DRD4: variants seen among roughly 807,000 people sequenced by gnomAD.
The protein encoded by DRD4 is D(4) dopamine receptor.
Under a neutral mutation model 22.1 loss-of-function variants are expected in DRD4, and 26 were observed. The ratio of observed to expected loss-of-function variants is 1.17; its 90% CI spans 0.86 to 1.63. DRD4 has a LOEUF of 1.63. Among genes scored for constraint, DRD4 ranks in the 40% most tolerant of loss-of-function variants. The probability of loss-of-function intolerance (pLI) is 0.00; values close to 1 mark genes in which losing one functional copy is unlikely to be tolerated. For missense variants in DRD4, 913 were observed against 632.4 expected, an observed-to-expected ratio of 1.44 and a Z score of -4.76; for synonymous variants, 455 against 306.7, an observed-to-expected ratio of 1.48 and a Z score of -5.05.
Position 637,604 on chromosome 11 carries a change from G to A in DRD4, c.285+15G>A. 1 of 1,541,944 alleles carries A rather than the reference G, an allele frequency of 6.5e-7. No homozygotes were observed. The highest frequency in any genetic ancestry group is 8.7e-7 in the Non-Finnish European group (1 of 1,147,880). ...TCTACTCCGAGGTGAGCCGCGTCCG[G>A]CCGCACGAGCATCCTCACCTGCTCC... On this transcript the variant is annotated intron_variant, in intron 1 of 3. Transcript: ENST00000176183.
chr11:639,659 T>C lies in DRD4; in HGVS notation c.410T>C (p.Val137Ala). ...GGCGCTCCCCGCAGGTTCGTGGCCGTGGCCGTGCCGCTGCGCTACAACCGG... is the reference window on the plus strand; with the variant it reads ...GGCGCTCCCCGCAGGTTCGTGGCCGCGGCCGTGCCGCTGCGCTACAACCGG... The part of the protein sequence containing the change: ...CAISVDRFVA[V>A]AVPLRYNRQG... Residue 137 changes from valine (V) to alanine (A), a missense_variant, in exon 3 of 4, where the codon GTG becomes GCG. By Grantham distance (64) the Val-to-Ala change is moderately conservative. Coordinates refer to ENST00000176183, the MANE Select transcript of DRD4 (RefSeq NM_000797.4). The C allele has an allele frequency of 6.8e-7, 1 of 1,461,390 alleles. No individual in the cohort carries two copies. The highest frequency in any genetic ancestry group is 9.0e-7 in the Non-Finnish European group (1 of 1,110,882). The allele number at this position is 1,461,390 out of a possible 1,614,324, so 90.5% of individuals were successfully genotyped here.
chr11:637,364 G>A lies in DRD4; in HGVS notation c.60G>A (p.Ala20=), dbSNP rs1207910293. The part of the protein sequence containing the change: ...DGLLAGRGPA[A]GASAGASAGL... ...TGCTGGCTGGGCGCGGGCCGGCCGC[G>A]GGGGCATCTGCGGGGGCATCTGCGG... is the stretch of plus-strand genomic sequence containing the variant. Residue 20 remains alanine, a synonymous_variant, in exon 1 of 4, where the codon GCG becomes GCA. Transcript: ENST00000176183. 2.4e-5 allele frequency: 27 copies of A among 1,135,876 alleles called. No individual in the cohort carries two copies. The highest frequency in any genetic ancestry group is 3.0e-5 in the Non-Finnish European group (27 of 899,264). 70.4% of individuals were successfully genotyped at this position (1,135,876 alleles called of 1,614,324 possible).
intron 1 of DRD4, 66 bp from the exon 2 acceptor site, chr11:639,367 G>A (rs1001158081): frequency 5.2e-5 from 72 of 1,383,426 alleles, no homozygotes; most frequent in Non-Finnish European, 6.5e-5. Context: ...ACCCATAAGA[G>A]TGGGGGCGGG....
Position 640,055 on chromosome 11 carries a change from T to A in DRD4, c.806T>A (p.Leu269His). 8.9e-7 allele frequency: 1 copy of A among 1,122,658 alleles called. No individual in the cohort carries two copies. 69.5% of individuals were successfully genotyped at this position (1,122,658 alleles called of 1,614,324 possible). A position where few individuals can be genotyped will look rare whatever the true frequency, so the allele number is the denominator to read the frequency against. The stretch of plus-strand genomic sequence containing the variant: ...GACTGTGCGCCCCCCGCGCCCGGCC[T>A]TCCCCGGGGTCCCTGCGGCCCCGAC... Reference protein sequence around the residue: ...GPDCAPPAPGLPRGPCGPDCA... With the variant: ...GPDCAPPAPGHPRGPCGPDCA... Residue 269 changes from leucine to histidine, a missense_variant, in exon 3 of 4, where the codon CTT becomes CAT. Leu to His is a moderately conservative substitution (Grantham distance 99). Transcript: ENST00000176183.
chr11:639,712 C>T lies in DRD4; in HGVS notation c.463C>T (p.Leu155Phe), dbSNP rs1341566170. 1 of 1,498,216 alleles carries T rather than the reference C, an allele frequency of 6.7e-7. No individual in the cohort carries two copies. The highest frequency in any genetic ancestry group is 2.1e-5 in the Admixed American group (1 of 46,744). The allele number at this position is 1,498,216 out of a possible 1,614,324, so 92.8% of individuals were successfully genotyped here. Residue 155 changes from leucine (L) to phenylalanine (F), a missense_variant, in exon 3 of 4, where the codon CTC becomes TTC. By Grantham distance (22) the Leu-to-Phe change is conservative. Transcript: ENST00000176183. Reference protein sequence around the residue: ...RQGGSRRQLLLIGATWLLSAA... With the variant: ...RQGGSRRQLLFIGATWLLSAA... ...GGGTGGGAGCCGCCGGCAGCTGCTG[C>T]TCATCGGCGCCACGTGGCTGCTGTC...
In DRD4 at chr11:637,406, C is replaced by G. The variant is rs928079448; in HGVS notation, c.102C>G (p.Gly34=). 1 of 1,491,414 alleles carries G rather than the reference C, an allele frequency of 6.7e-7. No homozygotes were observed. The highest frequency in any genetic ancestry group is 1.4e-5 in the African/African-American group (1 of 69,222). The allele number at this position is 1,491,414 out of a possible 1,614,324, so 92.4% of individuals were successfully genotyped here. Reference sequence around the variant, plus strand: ...CATCTGCGGGGCTGGCTGGGCAGGGCGCGGCGGCGCTGGTGGGGGGCGTGC... The same window carrying G: ...CATCTGCGGGGCTGGCTGGGCAGGGGGCGGCGGCGCTGGTGGGGGGCGTGC... ...AGASAGLAGQ[G]AAALVGGVLL... is the part of the protein sequence containing the mutation. Residue 34 remains glycine, a synonymous_variant, in exon 1 of 4, where the codon GGC becomes GGG. Coordinates refer to ENST00000176183, the MANE Select transcript of DRD4 (RefSeq NM_000797.4).
rs1016692423 is a variant in DRD4 at position 637,354 on chromosome 11, G to A, written c.50G>A (p.Gly17Glu). The A allele has an allele frequency of 8.5e-6, 11 of 1,295,366 alleles. No homozygotes were observed. The highest frequency in any genetic ancestry group is 4.7e-5 in the African/African-American group (3 of 64,000). 80.2% of individuals were successfully genotyped at this position (1,295,366 alleles called of 1,614,324 possible). ...GCGGACGGGCTGCTGGCTGGGCGCGGGCCGGCCGCGGGGGCATCTGCGGGG... is the reference window on the plus strand; with the variant it reads ...GCGGACGGGCTGCTGGCTGGGCGCGAGCCGGCCGCGGGGGCATCTGCGGGG... ...ADADGLLAGR[G>E]PAAGASAGAS... The change falls in exon 1 of 4, where the codon GGG becomes GAG. Residue 17 changes from glycine (G) to glutamate (E), a missense_variant. By Grantham distance (98) the Gly-to-Glu change is moderately conservative. Transcript: ENST00000176183.
At chr11:637,623 C>T (rs1190136333) in intron 1 of DRD4, 34 bp downstream of exon 1, 5 of 1,538,248 alleles carry the variant, frequency 3.3e-6, no homozygotes, top group Non-Finnish European at 4.4e-6. Flanking sequence ...GCATCCTCAC[C>T]TGCTCCTCGG....
Position 639,932 on chromosome 11 carries a change from C to T in DRD4, c.683C>T (p.Ala228Val), listed in dbSNP as rs138885045. ...GLQRWEVARR[A>V]KLHGRAPRRP... ...CAGCGCTGGGAGGTGGCACGTCGCG[C>T]CAAGCTGCACGGCCGCGCGCCCCGC... Residue 228 changes from alanine (A) to valine (V), a missense_variant, in exon 3 of 4, where the codon GCC (alanine) becomes GTC (valine). By Grantham distance (64) the Ala-to-Val change is moderately conservative (BLOSUM62 0). Transcript: ENST00000176183. The T allele has an allele frequency of 4.4e-5, 67 of 1,538,504 alleles. No individual in the cohort carries two copies. The highest frequency in any genetic ancestry group is 1.3e-4 in the South Asian group (11 of 84,824).
rs1039117517 is a variant in DRD4 at position 639,651 on chromosome 11, C to T, written c.402C>T (p.Phe134=). The change falls in exon 3 of 4, where the codon TTC becomes TTT. Residue 134 remains phenylalanine, a synonymous_variant. Coordinates refer to ENST00000176183, the MANE Select transcript of DRD4 (RefSeq NM_000797.4). Reference sequence around the variant, plus strand: ...GCCCCCTCGGCGCTCCCCGCAGGTTCGTGGCCGTGGCCGTGCCGCTGCGCT... The same window carrying T: ...GCCCCCTCGGCGCTCCCCGCAGGTTTGTGGCCGTGGCCGTGCCGCTGCGCT... The part of the protein sequence containing the change: ...FNLCAISVDR[F]VAVAVPLRYN... 2.7e-6 allele frequency: 4 copies of T among 1,454,888 alleles called. No individual in the cohort carries two copies. The highest frequency in any genetic ancestry group is 2.7e-6 in the Non-Finnish European group (3 of 1,107,134). 90.1% of individuals were successfully genotyped at this position (1,454,888 alleles called of 1,614,324 possible). A position where few individuals can be genotyped will look rare whatever the true frequency, so the allele number is the denominator to read the frequency against.
In DRD4 at chr11:640,019, C is replaced by G; in HGVS notation, c.770C>G (p.Pro257Arg). The change falls in exon 3 of 4, where the codon CCC becomes CGC. Residue 257 changes from proline to arginine, a missense_variant. By Grantham distance (103) the Pro-to-Arg change is moderately radical (BLOSUM62 -2). Transcript: ENST00000176183. ...CCCGCGCCCCGCCTCCCCCAGGACC[C>G]CTGCGGCCCCGACTGTGCGCCCCCC... Reference protein sequence around the residue: ...TPPAPRLPQDPCGPDCAPPAP... With the variant: ...TPPAPRLPQDRCGPDCAPPAP... 1 of 1,219,646 alleles carries G rather than the reference C, an allele frequency of 8.2e-7. No individual in the cohort carries two copies. Among genetic ancestry groups the G allele is most frequent in the Non-Finnish European group, 1.0e-6 (1 of 976,754 alleles). The allele number at this position is 1,219,646 out of a possible 1,614,324, so 75.6% of individuals were successfully genotyped here. A position where few individuals can be genotyped will look rare whatever the true frequency, so the allele number is the denominator to read the frequency against.
chr11:640,531 C>G lies in DRD4; in HGVS notation c.1188C>G (p.Asn396Lys), dbSNP rs1858216448. Residue 396 changes from asparagine to lysine, a missense_variant, in exon 4 of 4, where the codon AAC becomes AAG. Coordinates refer to ENST00000176183, the MANE Select transcript of DRD4 (RefSeq NM_000797.4). ...TGGGCTACGTCAACAGCGCCCTCAA[C>G]CCCGTCATCTACACTGTCTTCAACG... is the stretch of plus-strand genomic sequence containing the variant. ...TWLGYVNSAL[N>K]PVIYTVFNAE... 1 of 1,601,254 alleles carries G rather than the reference C, an allele frequency of 6.2e-7. No homozygotes were observed. The highest frequency in any genetic ancestry group is 1.3e-5 in the African/African-American group (1 of 75,066).
chr11:638,271 G>T (rs1346473808), intron 1 of DRD4, among the ~76,000 whole-genome samples: 1 of 152,216 alleles, frequency 6.6e-6, no homozygotes, highest in Non-Finnish European at 1.5e-5. Flanking sequence ...GCTTAGGGCT[G>T]AGCTGGAGAC....
Position 639,779 on chromosome 11 carries a change from TGCGCGGCCGCGACCCC to T in DRD4, c.533_548del (p.Arg178ProfsTer163). ...CCCGTACTGTGCGGCCTCAACGACG[TGCGCGGCCGCGACCCC>T]GCCGTGTGCCGCCTGGAGGACCGCG... On this transcript the variant is annotated frameshift_variant, in exon 3 of 4. Transcript: ENST00000176183. LOFTEE classifies it high-confidence loss of function. 6.3e-7 allele frequency: 1 copy of T among 1,577,926 alleles called. No homozygotes were observed. The highest frequency in any genetic ancestry group is 8.5e-7 in the Non-Finnish European group (1 of 1,170,846).
In DRD4 at chr11:640,479, C is replaced by G; in HGVS notation, c.1136C>G (p.Pro379Arg). 2.5e-6 allele frequency: 4 copies of G among 1,602,212 alleles called. No homozygotes were observed. The highest frequency in any genetic ancestry group is 2.2e-5 in the East Asian group (1 of 44,862). The change falls in exon 4 of 4, where the codon CCG becomes CGG. Residue 379 changes from proline to arginine, a missense_variant. Pro to Arg is a moderately radical substitution (Grantham distance 103, BLOSUM62 -2). Coordinates refer to ENST00000176183, the MANE Select transcript of DRD4 (RefSeq NM_000797.4). ...CTGTGTCCTGCCTGCTCCGTGCCCC[C>G]GCGGCTGGTCAGCGCCGTCACCTGG... Reference protein sequence around the residue: ...QALCPACSVPPRLVSAVTWLG... With the variant: ...QALCPACSVPRRLVSAVTWLG...
Position 640,680 on chromosome 11 carries a change from C to G in DRD4, c.*77C>G, listed in dbSNP as rs116247796. The stretch of plus-strand genomic sequence containing the variant: ...AGGAGATGGGGAGGGCGCTTTTGTA[C>G]GTTAATTAAACAAATTCCTTCCCAA... On this transcript the variant is annotated 3_prime_UTR_variant, in exon 4 of 4. Transcript: ENST00000176183. The G allele has an allele frequency of 1.7e-3, 2,554 of 1,526,478 alleles. 46 individuals are homozygous for G. In the African/African-American group the frequency reaches 0.031, roughly 18 times the overall value. The allele number at this position is 1,526,478 out of a possible 1,614,324, so 94.6% of individuals were successfully genotyped here.
intron 1 of DRD4, 33 bp downstream of exon 1, chr11:637,622 C>G: frequency 6.5e-7 from 1 of 1,538,566 alleles, no homozygotes; most frequent in Non-Finnish European, 8.7e-7. Flanking sequence ...AGCATCCTCA[C>G]CTGCTCCTCG....
In DRD4 at chr11:637,419, GTGGGGGGCGTGCTGCTCATCGGCGC is replaced by G. The variant is rs1858085407; in HGVS notation, c.116_140del (p.Val39GlyfsTer11). 1 of 1,521,996 alleles carries G rather than the reference GTGGGGGGCGTGCTGCTCATCGGCGC, an allele frequency of 6.6e-7. No individual in the cohort carries two copies. Among genetic ancestry groups the G allele is most frequent in the Non-Finnish European group, 8.8e-7 (1 of 1,140,540 alleles). The allele number at this position is 1,521,996 out of a possible 1,614,324, so 94.3% of individuals were successfully genotyped here. A position where few individuals can be genotyped will look rare whatever the true frequency, so the allele number is the denominator to read the frequency against. ...GGCTGGGCAGGGCGCGGCGGCGCTGGTGGGGGGCGTGCTGCTCATCGGCGCGGTGCTCGCGGGGAACTCGCTCGTG... is the reference window on the plus strand; with the variant it reads ...GGCTGGGCAGGGCGCGGCGGCGCTGGGGTGCTCGCGGGGAACTCGCTCGTG... On this transcript the variant is annotated frameshift_variant, in exon 1 of 4. Coordinates refer to ENST00000176183, the MANE Select transcript of DRD4 (RefSeq NM_000797.4). LOFTEE classifies it high-confidence loss of function.
Position 639,763 on chromosome 11 carries a change from TGCGGCCTCAACGACGTGC to T in DRD4, c.521_538del (p.Leu174_Gly179del). On this transcript the variant is annotated inframe_deletion, in exon 3 of 4. Transcript: ENST00000176183. ...CGCGGCGGTGGCGGCGCCCGTACTG[TGCGGCCTCAACGACGTGC>T]GCGGCCGCGACCCCGCCGTGTGCCG... 6.4e-7 allele frequency: 1 copy of T among 1,572,160 alleles called. No individual in the cohort carries two copies. Among genetic ancestry groups the T allele is most frequent in the East Asian group, 2.3e-5 (1 of 42,976 alleles).
Sources: gnomAD v4.1 joint callset for allele counts (sites outside exome capture counted in the v4.1 genomes callset) on GRCh38, gnomAD v4.1.1 for gene constraint, MANE v1.5 for transcripts, NCBI Gene and HGNC (gene_info 2026-07-23, HGNC 2026-07-21) for gene names.